Variants in RALYL observed in about 807,000 individuals in gnomAD.
The protein encoded by RALYL is RNA-binding Raly-like protein.
RALYL carries 29 observed loss-of-function variants against 35.1 expected under a neutral mutation model. The ratio of observed to expected loss-of-function variants is 0.83; its 90% CI spans 0.61 to 1.13. The LOEUF (loss-of-function observed/expected upper bound fraction) is 1.13. Ranked by LOEUF, RALYL falls within the 50% of genes most tolerant of loss-of-function variation. The pLI is 0.00. For missense variants in RALYL, 359 were observed against 360.4 expected, an observed-to-expected ratio of 1.00 and a Z score of 0.03; for synonymous variants, 120 against 127.6, an observed-to-expected ratio of 0.94 and a Z score of 0.40.
chr8:84,915,514 A>G (rs1848331571), intron 8 of RALYL, among the ~76,000 whole-genome samples: 1 of 152,088 alleles, frequency 6.6e-6, no homozygotes, highest in Admixed American at 6.6e-5. Context: ...TTTAGACTCA[A>G]TGTAACAAAT....
chr8:84,718,316 C>G (rs1843271642), intron 2 of RALYL, among the ~76,000 whole-genome samples: 1 of 152,062 alleles, frequency 6.6e-6, no homozygotes, highest in Non-Finnish European at 1.5e-5. Flanking sequence ...GTGTTATCAA[C>G]TTAAGGTTTT....
chr8:84,862,937 T>A (rs1412986248), intron 6 of RALYL, among the ~76,000 whole-genome samples: 1 of 152,180 alleles, frequency 6.6e-6, no homozygotes, highest in African/African-American at 2.4e-5. Flanking sequence ...GATATATGTA[T>A]CTGAAGATAT....
chr8:84,817,543 A>T (rs1179246962), intron 4 of RALYL, among the ~76,000 whole-genome samples: 11 of 149,208 alleles, frequency 7.4e-5, no homozygotes, highest in Admixed American at 2.7e-4. Context: ...TATTATTATT[A>T]TTATTATTAT....
intron 5 of RALYL, among the ~76,000 whole-genome samples, chr8:84,852,363 TC>T (rs1836038892): frequency 1.3e-5 from 2 of 152,114 alleles, no homozygotes; most frequent in Non-Finnish European, 2.9e-5. Context: ...AAGAAACTTA[TC>T]ATAACTTATT....
intron 2 of RALYL, among the ~76,000 whole-genome samples, chr8:84,727,844 G>C (rs1845299272): frequency 6.6e-6 from 1 of 151,938 alleles, no homozygotes; most frequent in Non-Finnish European, 1.5e-5. Context: ...TGGTGTATAT[G>C]TGCCACATTT....
chr8:84,688,448 TG>T (rs1256080190), intron 2 of RALYL, among the ~76,000 whole-genome samples: 1 of 152,040 alleles, frequency 6.6e-6, no homozygotes, highest in Non-Finnish European at 1.5e-5. Flanking sequence ...TCAATTAAAG[TG>T]TCCCAAGAAC....
chr8:84,630,644 G>A (rs1192496928), intron 2 of RALYL, among the ~76,000 whole-genome samples: 1 of 151,936 alleles, frequency 6.6e-6, no homozygotes, highest in Non-Finnish European at 1.5e-5. Context: ...AAATGAAGTT[G>A]ATTTGAGAAA....
In RALYL at chr8:84,529,450, A is replaced by C. The variant is rs958582339; in HGVS notation, c.129A>C (p.Ser43=). The C allele has an allele frequency of 5.0e-6, 8 of 1,613,540 alleles. No homozygotes were observed. The African/African-American group carries it at 1.1e-4, about 22-fold the overall frequency. Residue 43 remains serine, a synonymous_variant, in exon 2 of 9, where the codon TCA becomes TCC. Transcript: ENST00000521268. The part of the protein sequence containing the change: ...VKKVDIEAIF[S]KYGKIVGCSV... ...AAGTTGACATTGAAGCCATTTTTTC[A>C]AAGTATGGAAAAATAGTTGGATGTT...
chr8:84,271,033 A>G (rs1265947377), intron 1 of RALYL, among the ~76,000 whole-genome samples: 1 of 152,170 alleles, frequency 6.6e-6, no homozygotes, highest in African/African-American at 2.4e-5. Flanking sequence ...TAAGGACAAG[A>G]AGGTGTAAAA....
intron 1 of RALYL, among the ~76,000 whole-genome samples, chr8:84,235,769 T>TC (rs965931760): frequency 4.2e-5 from 6 of 142,926 alleles, no homozygotes; most frequent in African/African-American, 1.6e-4. Flanking sequence ...TTCTTTTTCT[T>TC]TTTTTTTTTT....
chr8:84,688,558 A>G (rs1344255812), intron 2 of RALYL, among the ~76,000 whole-genome samples: 2 of 152,156 alleles, frequency 1.3e-5, no homozygotes, highest in African/African-American at 2.4e-5. Flanking sequence ...GTTTTACCCT[A>G]TATACAAAAA....
chr8:84,848,417 A>G (rs190050134), intron 4 of RALYL, among the ~76,000 whole-genome samples: 5 of 143,112 alleles, frequency 3.5e-5, no homozygotes, highest in African/African-American at 7.4e-5. Context: ...ATGTGTGTGT[A>G]TATATATATG....
chr8:84,729,039 G>A (rs551603668), intron 2 of RALYL, among the ~76,000 whole-genome samples: 1 of 152,234 alleles, frequency 6.6e-6, no homozygotes, highest in East Asian at 1.9e-4. Flanking sequence ...GATGGGGATG[G>A]CATTGAATCT....
chr8:84,467,608 A>G (rs1265815629), intron 1 of RALYL, among the ~76,000 whole-genome samples: 1 of 151,530 alleles, frequency 6.6e-6, no homozygotes, highest in Non-Finnish European at 1.5e-5. Flanking sequence ...GCTGAAAAAA[A>G]TGTATATTCT....
chr8:84,546,140 AT>A (rs569347261), intron 2 of RALYL, among the ~76,000 whole-genome samples: 8 of 151,118 alleles, frequency 5.3e-5, no homozygotes, highest in South Asian at 2.1e-4. Flanking sequence ...AAAGATATAT[AT>A]TTTTTTTTGA....
intron 1 of RALYL, among the ~76,000 whole-genome samples, chr8:84,345,022 A>T (rs972513586): frequency 2.6e-5 from 4 of 151,818 alleles, no homozygotes; most frequent in Admixed American, 1.3e-4. Context: ...ATATCTTTTT[A>T]ATTCCTCATG....
intron 6 of RALYL, among the ~76,000 whole-genome samples, chr8:84,863,010 C>G (rs768981593): frequency 6.6e-6 from 1 of 151,986 alleles, no homozygotes; most frequent in Non-Finnish European, 1.5e-5. Context: ...TAAAAAGCAG[C>G]GATACAAACT....
intron 1 of RALYL, among the ~76,000 whole-genome samples, chr8:84,397,073 A>G (rs1229099965): frequency 6.6e-6 from 1 of 152,122 alleles, no homozygotes; most frequent in African/African-American, 2.4e-5. Flanking sequence ...CAGTCCTAGT[A>G]AGAGGCAAGC....
intron 3 of RALYL, among the ~76,000 whole-genome samples, chr8:84,784,323 A>G (rs1396804561): frequency 6.6e-6 from 1 of 152,234 alleles, no homozygotes; most frequent in Non-Finnish European, 1.5e-5. Context: ...GAGAGGAGAG[A>G]AGAAGAAATG....
Sources: allele counts gnomAD v4.1 joint callset (sites outside exome capture counted in the v4.1 genomes callset), GRCh38; gene constraint gnomAD v4.1.1; transcripts MANE v1.5; gene names NCBI Gene and HGNC (gene_info 2026-07-23, HGNC 2026-07-21).